ZCWPW2: variants seen among roughly 807,000 people sequenced by gnomAD.
The protein encoded by ZCWPW2 is zinc finger CW-type PWWP domain protein 2.
A neutral mutation model predicts 46.6 loss-of-function variants in ZCWPW2; 45 were observed. That is an observed-to-expected ratio of 0.96 (90% confidence interval 0.76 to 1.24). The LOEUF (loss-of-function observed/expected upper bound fraction) is 1.24. ZCWPW2 is among the 50% of genes most tolerant of loss of function. The pLI, the probability that ZCWPW2 is intolerant of heterozygous loss-of-function variation, is 0.00. For missense variants in ZCWPW2, 429 were observed against 403.9 expected, an observed-to-expected ratio of 1.06 and a Z score of -0.53; for synonymous variants, 152 against 137.1, an observed-to-expected ratio of 1.11 and a Z score of -0.76.
At chr3:28,364,852 C>T (rs1359074121) in intron 1 of ZCWPW2, among the ~76,000 whole-genome samples, 3 of 152,034 alleles carry the variant, frequency 2.0e-5, no homozygotes, top group Non-Finnish European at 2.9e-5. Flanking sequence ...TTTTAATGAT[C>T]GTCATTCTAA....
At chr3:28,488,778 T>G (rs966931857) in intron 5 of ZCWPW2, among the ~76,000 whole-genome samples, 2 of 152,170 alleles carry the variant, frequency 1.3e-5, no homozygotes, top group Non-Finnish European at 2.9e-5. Context: ...ACATTTCCTG[T>G]TAACTGCTTT....
intron 1 of ZCWPW2, among the ~76,000 whole-genome samples, chr3:28,374,656 T>C (rs1215737063): frequency 6.6e-6 from 1 of 152,098 alleles, no homozygotes; most frequent in Non-Finnish European, 1.5e-5. Flanking sequence ...AGTGTTCTCT[T>C]CCTCAACTGG....
intron 6 of ZCWPW2, among the ~76,000 whole-genome samples, chr3:28,505,462 C>T (rs1700251006): frequency 6.6e-6 from 1 of 152,030 alleles, no homozygotes; most frequent in Non-Finnish European, 1.5e-5. Flanking sequence ...TAAAATAGGG[C>T]CACCAAATGA....
chr3:28,356,270 A>G (rs1349881614), intron 1 of ZCWPW2, among the ~76,000 whole-genome samples: 1 of 152,262 alleles, frequency 6.6e-6, no homozygotes, highest in Non-Finnish European at 1.5e-5. Flanking sequence ...ATCACTGGCC[A>G]TCAGAGAAAT....
At chr3:28,506,094 T>A (rs1163586721) in intron 6 of ZCWPW2, among the ~76,000 whole-genome samples, 1 of 147,176 alleles carries the variant, frequency 6.8e-6, no homozygotes, top group Non-Finnish European at 1.5e-5. Context: ...ATTATATATA[T>A]AATATATAAT....
chr3:28,456,149 C>T (rs1238738641), intron 4 of ZCWPW2, among the ~76,000 whole-genome samples: 1 of 152,118 alleles, frequency 6.6e-6, no homozygotes, highest in Non-Finnish European at 1.5e-5. Context: ...TCTGTCCTCT[C>T]TGATTTCTTT....
intron 4 of ZCWPW2, among the ~76,000 whole-genome samples, chr3:28,459,591 A>C (rs1698552201): frequency 6.6e-6 from 1 of 152,154 alleles, no homozygotes; most frequent in African/African-American, 2.4e-5. Context: ...TGTGGTACTG[A>C]AGAAGCCAGG....
intron 4 of ZCWPW2, among the ~76,000 whole-genome samples, chr3:28,439,775 G>C (rs1448514820): frequency 6.6e-6 from 1 of 152,022 alleles, no homozygotes; most frequent in Non-Finnish European, 1.5e-5. Flanking sequence ...CATGATAAAG[G>C]AAAAAGGAAA....
intron 2 of ZCWPW2, among the ~76,000 whole-genome samples, chr3:28,403,222 A>G (rs570226787): frequency 6.6e-6 from 1 of 152,316 alleles, no homozygotes; most frequent in African/African-American, 2.4e-5. Flanking sequence ...GAATTAATGT[A>G]CACAAGTCAG....
intron 1 of ZCWPW2, among the ~76,000 whole-genome samples, chr3:28,373,733 C>A (rs1316291379): frequency 1.3e-5 from 2 of 152,096 alleles, no homozygotes; most frequent in Admixed American, 1.3e-4. Context: ...TTTCACCCTC[C>A]CAAAGTGTTG....
In ZCWPW2 at chr3:28,357,337, A is replaced by T. The variant is rs1044537475; in HGVS notation, c.-134+8134A>T. Reference sequence around the variant, plus strand: ...CAAACTCACAACTCACAAAATACAGAAGTGAAATTTTTGATTTGGTGTGAT... The same window carrying T: ...CAAACTCACAACTCACAAAATACAGTAGTGAAATTTTTGATTTGGTGTGAT... On this transcript the variant is annotated intron_variant, in intron 1 of 9. Coordinates refer to ENST00000383768, the MANE Select transcript of ZCWPW2 (RefSeq NM_001040432.4). 1.2e-4 allele frequency among the ~76,000 whole-genome samples: 18 copies of T among 152,194 alleles called. 1 individual carries two copies. The highest frequency in any genetic ancestry group is 2.4e-4 in the Non-Finnish European group (16 of 68,042).
intron 2 of ZCWPW2, among the ~76,000 whole-genome samples, chr3:28,400,741 A>G (rs1360383841): frequency 1.3e-5 from 2 of 152,230 alleles, no homozygotes; most frequent in Non-Finnish European, 2.9e-5. Flanking sequence ...AACAAATGCT[A>G]AGATAATTCG....
At chr3:28,361,081 GA>G in intron 1 of ZCWPW2, among the ~76,000 whole-genome samples, 1 of 152,086 alleles carries the variant, frequency 6.6e-6, no homozygotes, top group Admixed American at 6.6e-5. Flanking sequence ...TGTATATACA[GA>G]TATTCTAAAA....
At chr3:28,509,884 A>G (rs1700380788) in intron 6 of ZCWPW2, among the ~76,000 whole-genome samples, 2 of 152,182 alleles carry the variant, frequency 1.3e-5, no homozygotes, top group African/African-American at 4.8e-5. Context: ...CTAAGAAACC[A>G]TTAACTAATC....
intron 1 of ZCWPW2, among the ~76,000 whole-genome samples, chr3:28,375,414 C>T (rs35476362): frequency 0.21 from 31,883 of 151,806 alleles, 4,092 homozygotes; most frequent in Middle Eastern, 0.29. Flanking sequence ...TTTGTAACTC[C>T]TCTCTTCCTT....
intron 1 of ZCWPW2, among the ~76,000 whole-genome samples, chr3:28,354,431 G>C (rs7628073): frequency 7.1e-6 from 1 of 141,038 alleles, no homozygotes; most frequent in African/African-American, 2.5e-5. Context: ...GGTACAAAGA[G>C]GAGCTGGTAC....
At chr3:28,430,466 A>T (rs921063048) in intron 3 of ZCWPW2, among the ~76,000 whole-genome samples, 1 of 152,210 alleles carries the variant, frequency 6.6e-6, no homozygotes, top group Admixed American at 6.5e-5. Flanking sequence ...GACAGAAGGG[A>T]CTTGCCTTGT....
In ZCWPW2 at chr3:28,361,685, C is replaced by CA. The variant is rs368852052; in HGVS notation, c.-134+12491dup. On this transcript the variant is annotated intron_variant, in intron 1 of 9. Transcript: ENST00000383768. ...ATAAGAAATTCATACAATGTAATAG[C>CA]AAAAAAAAACCTGATTAAAAATGGC... is the stretch of plus-strand genomic sequence containing the variant. Among the ~76,000 whole-genome samples, 424 of 148,992 alleles carry CA rather than the reference C, an allele frequency of 2.8e-3. 1 individual carries two copies. The highest frequency in any genetic ancestry group is 7.6e-3 in the East Asian group (39 of 5,108).
chr3:28,433,883 G>T (rs1253473513), intron 3 of ZCWPW2, among the ~76,000 whole-genome samples: 2 of 149,906 alleles, frequency 1.3e-5, no homozygotes, highest in Non-Finnish European at 3.0e-5. Context: ...TCATTAACTT[G>T]CCTCAGTAAG....
Sources: allele counts gnomAD v4.1 joint callset (sites outside exome capture counted in the v4.1 genomes callset), GRCh38; gene constraint gnomAD v4.1.1; transcripts MANE v1.5; gene names NCBI Gene and HGNC (gene_info 2026-07-23, HGNC 2026-07-21).